SMARCA2: variants seen among roughly 807,000 people sequenced by gnomAD.
SMARCA2 encodes the protein SWI/SNF-related matrix-associated actin-dependent regulator of chromatin subfamily A member 2.
A neutral mutation model predicts 199.8 loss-of-function variants in SMARCA2; 61 were observed. The ratio of observed to expected loss-of-function variants is 0.31; its 90% CI spans 0.25 to 0.38. The LOEUF is 0.38. SMARCA2 is among the 10% of genes least tolerant of loss of function. The pLI is 1.00. For synonymous variants in SMARCA2, 935 were observed against 732.0 expected, an observed-to-expected ratio of 1.28 and a Z score of -4.48; for missense variants, 1,344 against 2,012.2, an observed-to-expected ratio of 0.67 and a Z score of 6.35.
At chr9:2,040,074 C>T (rs987508314) in intron 4 of SMARCA2, 174 bp downstream of exon 4, 49 of 1,237,550 alleles carry the variant, frequency 4.0e-5, no homozygotes, top group Non-Finnish European at 4.9e-5. Flanking sequence ...TCTTCCCCTG[C>T]TGTTGAGACC....
chr9:2,046,665 C>T (rs866719233), intron 4 of SMARCA2, among the ~76,000 whole-genome samples: 3 of 151,916 alleles, frequency 2.0e-5, no homozygotes, highest in South Asian at 2.1e-4. Flanking sequence ...TTCCAGATTG[C>T]GATAGAGGTC....
At chr9:2,185,180 T>C (rs1420172534) in intron 31 of SMARCA2, among the ~76,000 whole-genome samples, 1 of 152,154 alleles carries the variant, frequency 6.6e-6, no homozygotes, top group Non-Finnish European at 1.5e-5. Context: ...CAACTAACTC[T>C]CATCTCCTTC....
intron 1 of SMARCA2, among the ~76,000 whole-genome samples, chr9:2,024,011 C>T (rs1174912621): frequency 6.6e-6 from 1 of 152,088 alleles, no homozygotes; most frequent in Non-Finnish European, 1.5e-5. Flanking sequence ...TTCTGATATT[C>T]CACCTTTAAC....
intron 10 of SMARCA2, among the ~76,000 whole-genome samples, chr9:2,072,349 TC>T (rs1821124206): frequency 6.6e-6 from 1 of 152,240 alleles, no homozygotes; most frequent in African/African-American, 2.4e-5. Flanking sequence ...GAGCAGTCAT[TC>T]GTTACTGATT....
At chr9:2,133,622 C>T (rs1451885405) in intron 27 of SMARCA2, among the ~76,000 whole-genome samples, 1 of 147,206 alleles carries the variant, frequency 6.8e-6, no homozygotes, top group Non-Finnish European at 1.5e-5. Flanking sequence ...AATAAGGCTA[C>T]ATGTTTCAGT....
rs6601 is a variant in SMARCA2 at position 2,116,037 on chromosome 9, G to A, written c.3672G>A (p.Glu1224=). 203,636 of 1,612,202 alleles carry A rather than the reference G, an allele frequency of 0.13. 22,628 individuals are homozygous for A. The highest frequency in any genetic ancestry group is 0.6 in the African/African-American group (45,150 of 74,844). ...RAFLQAILEH[E]EENEEEDEVP... ...TCCTGCAGGCCATCTTGGAGCATGAGGAGGAAAATGAGGTATTAGAGAAAA... is the reference window on the plus strand; with the variant it reads ...TCCTGCAGGCCATCTTGGAGCATGAAGAGGAAAATGAGGTATTAGAGAAAA... The change falls in exon 25 of 34, where the codon GAG becomes GAA. Residue 1224 remains glutamate (E), a synonymous_variant. Transcript: ENST00000349721.
chr9:2,031,055 A>T (rs925399587), intron 2 of SMARCA2, among the ~76,000 whole-genome samples: 1 of 152,174 alleles, frequency 6.6e-6, no homozygotes, highest in Non-Finnish European at 1.5e-5. Flanking sequence ...TTCATTACAA[A>T]TACTGTGTAA....
At chr9:2,071,225 G>T (rs1301216711) in intron 10 of SMARCA2, among the ~76,000 whole-genome samples, 1 of 152,118 alleles carries the variant, frequency 6.6e-6, no homozygotes, top group African/African-American at 2.4e-5. Context: ...CAGTTGTATT[G>T]TGAACTCAAA....
At chr9:2,175,890 G>C (rs534085863) in intron 29 of SMARCA2, among the ~76,000 whole-genome samples, 1 of 151,702 alleles carries the variant, frequency 6.6e-6, no homozygotes, top group African/African-American at 2.4e-5. Flanking sequence ...TTGTTTGTTT[G>C]TTTTTTGAGA....
intron 29 of SMARCA2, among the ~76,000 whole-genome samples, chr9:2,171,141 A>G (rs1417638974): frequency 6.6e-6 from 1 of 152,154 alleles, no homozygotes; most frequent in East Asian, 1.9e-4. Flanking sequence ...ATTAGATGAC[A>G]TTGGTTGAGC....
chr9:2,048,157 T>C (rs1363626141), intron 5 of SMARCA2, among the ~76,000 whole-genome samples: 1 of 152,082 alleles, frequency 6.6e-6, no homozygotes, highest in African/African-American at 2.4e-5. Flanking sequence ...CGGTAAACTT[T>C]ACAAAAACAG....
In SMARCA2 at chr9:2,115,059, C is replaced by G. The variant is rs1334137174; in HGVS notation, c.3457-763C>G. Reference sequence around the variant, plus strand: ...AATGTTTCTTTTTTTAAAAAAAAAGCCATTAGAGAGAGTAAATTATTCTGA... The same window carrying G: ...AATGTTTCTTTTTTTAAAAAAAAAGGCATTAGAGAGAGTAAATTATTCTGA... On this transcript the variant is annotated intron_variant, in intron 24 of 33. Transcript: ENST00000349721. This position sits in a 1 kb window ranked among gnomAD's most constrained non-coding sequence, Gnocchi z 6.0. Among the ~76,000 whole-genome samples, 4 of 151,972 alleles carry G rather than the reference C, an allele frequency of 2.6e-5. No individual in the cohort carries two copies. The East Asian group carries it at 5.8e-4, about 22-fold the overall frequency.
chr9:2,169,565 A>G lies in SMARCA2; in HGVS notation c.4200-854A>G, dbSNP rs992461063. Among the ~76,000 whole-genome samples, 1 of 151,940 alleles carries G rather than the reference A, an allele frequency of 6.6e-6. No individual in the cohort carries two copies. The highest frequency in any genetic ancestry group is 1.5e-5 in the Non-Finnish European group (1 of 67,980). ...GCTTTTCCCTCTCTGCAACACCCCG[A>G]CCCCACACTGACTCTAGAGCAGAAT... is the stretch of plus-strand genomic sequence containing the variant. On this transcript the variant is annotated intron_variant, in intron 28 of 33. Transcript: ENST00000349721. The surrounding 1 kb of genome is among the most constrained non-coding windows in gnomAD (Gnocchi z 6.5).
At chr9:2,027,667 T>G (rs1818892230) in intron 1 of SMARCA2, 1 of 152,048 alleles carries the variant, frequency 6.6e-6, no homozygotes, top group Admixed American at 6.6e-5. Context: ...GTGGAAAGAA[T>G]GTGTTTTGTG....
At chr9:2,081,183 A>G (rs1821551303) in intron 14 of SMARCA2, among the ~76,000 whole-genome samples, 1 of 152,164 alleles carries the variant, frequency 6.6e-6, no homozygotes, top group South Asian at 2.1e-4. Context: ...ACCCAACCTT[A>G]CTTTTGTACT....
chr9:2,088,097 C>G (rs944285781), intron 18 of SMARCA2, among the ~76,000 whole-genome samples: 3 of 152,138 alleles, frequency 2.0e-5, no homozygotes, highest in Non-Finnish European at 2.9e-5. Flanking sequence ...CTGAGACAAC[C>G]AAGACGAAGG....
At chr9:2,182,695 A>G (rs901922864) in intron 31 of SMARCA2, among the ~76,000 whole-genome samples, 1 of 151,934 alleles carries the variant, frequency 6.6e-6, no homozygotes, top group Non-Finnish European at 1.5e-5. Context: ...GAGTTTCACC[A>G]TGTTGGCCAG....
intron 4 of SMARCA2, chr9:2,040,320 T>G: frequency 3.7e-6 from 1 of 268,174 alleles, no homozygotes; most frequent in Non-Finnish European, 7.0e-6. Context: ...TATCCCTTTT[T>G]GTTATGAAGA....
intron 27 of SMARCA2, among the ~76,000 whole-genome samples, chr9:2,128,462 C>A (rs1823794496): frequency 6.6e-6 from 1 of 152,198 alleles, no homozygotes; most frequent in Non-Finnish European, 1.5e-5. Flanking sequence ...TCTGCAAACT[C>A]TCCTTGACTG....
Sources: gnomAD v4.1 joint callset for allele counts (sites outside exome capture counted in the v4.1 genomes callset) on GRCh38, gnomAD v4.1.1 for gene constraint, Gnocchi (gnomAD v3.1) non-coding constraint, MANE v1.5 for transcripts, NCBI Gene and HGNC (gene_info 2026-07-23, HGNC 2026-07-21) for gene names.